The following DENND1B variants were observed in gnomAD, a reference collection of about 807,000 sequenced individuals.
DENND1B encodes DENN domain-containing protein 1B.
Under a neutral mutation model 90.1 loss-of-function variants are expected in DENND1B, and 59 were observed. That is an observed-to-expected ratio of 0.65 (90% CI 0.53 to 0.81). The LOEUF is 0.81. Among genes scored for constraint, DENND1B ranks in the 40% least tolerant of loss-of-function variants. The pLI is 0.00. For missense variants in DENND1B, 862 were observed against 912.6 expected (o/e 0.94, Z 0.71); for synonymous variants, 337 against 324.6 (o/e 1.04, Z -0.41).
At chr1:197,583,688 T>C (rs1674445304) in intron 14 of DENND1B, among the ~76,000 whole-genome samples, 1 of 152,220 alleles carries the variant, frequency 6.6e-6, no homozygotes, top group African/African-American at 2.4e-5. Flanking sequence ...TTTTAATTAA[T>C]GAAAAGATTT....
At chr1:197,683,129 T>C (rs181075576) in intron 3 of DENND1B, among the ~76,000 whole-genome samples, 1 of 152,274 alleles carries the variant, frequency 6.6e-6, no homozygotes, top group Non-Finnish European at 1.5e-5. Context: ...GATAGATTAA[T>C]ACAAGGTATC....
Position 197,754,545 on chromosome 1 carries a change from T to C in DENND1B, c.82+18323A>G, listed in dbSNP as rs116060289. 4.3e-3 allele frequency among the ~76,000 whole-genome samples: 647 copies of C among 151,206 alleles called. 5 individuals are homozygous for C. The highest frequency in any genetic ancestry group is 0.015 in the African/African-American group (621 of 41,204). ...TGGTGGTGCACACCTGTAATCCCACTTACTCAGGTGGCTGAGGAATGAGAA... is the reference window on the plus strand; with the variant it reads ...TGGTGGTGCACACCTGTAATCCCACCTACTCAGGTGGCTGAGGAATGAGAA... On this transcript the variant is annotated intron_variant, in intron 2 of 22. Transcript: ENST00000620048.
At chr1:197,639,799 C>T (rs1350489104) in intron 10 of DENND1B, among the ~76,000 whole-genome samples, 1 of 151,902 alleles carries the variant, frequency 6.6e-6, no homozygotes, top group Non-Finnish European at 1.5e-5. Context: ...ACCTTAAATG[C>T]CACTATGCAT....
chr1:197,599,313 T>G (rs868176306), intron 13 of DENND1B, among the ~76,000 whole-genome samples: 4 of 152,008 alleles, frequency 2.6e-5, no homozygotes, highest in Middle Eastern at 6.8e-3. Flanking sequence ...CTAGATATGC[T>G]TTTGCAGTAA....
intron 7 of DENND1B, among the ~76,000 whole-genome samples, chr1:197,648,379 G>T (rs1680920324): frequency 6.6e-6 from 1 of 152,042 alleles, no homozygotes; most frequent in African/African-American, 2.4e-5. Context: ...AGGTAAAAAG[G>T]GGTAGAAATC....
chr1:197,621,883 T>C (rs1382927381), intron 10 of DENND1B, among the ~76,000 whole-genome samples: 1 of 151,530 alleles, frequency 6.6e-6, no homozygotes, highest in Non-Finnish European at 1.5e-5. Context: ...TTATGTGACA[T>C]ATGATATTTA....
At chr1:197,767,084 G>A (rs370205407) in intron 2 of DENND1B, among the ~76,000 whole-genome samples, 37 of 152,108 alleles carry the variant, frequency 2.4e-4, no homozygotes, top group African/African-American at 8.4e-4. Context: ...GTGAGCCACT[G>A]CACCCAGCCC....
intron 2 of DENND1B, among the ~76,000 whole-genome samples, chr1:197,720,339 C>T (rs1230716593): frequency 6.6e-6 from 1 of 152,046 alleles, no homozygotes; most frequent in Non-Finnish European, 1.5e-5. Flanking sequence ...CAGCCTCAAG[C>T]AATCCCTTCC....
chr1:197,529,203 G>GAGAT (rs1669379288), intron 20 of DENND1B, among the ~76,000 whole-genome samples: 1 of 117,370 alleles, frequency 8.5e-6, no homozygotes, highest in African/African-American at 3.9e-5. Flanking sequence ...AGTTAAGAGT[G>GAGAT]ATATATATAT....
chr1:197,614,118 G>C (rs1677427567), intron 11 of DENND1B, among the ~76,000 whole-genome samples: 2 of 149,294 alleles, frequency 1.3e-5, no homozygotes, highest in African/African-American at 4.9e-5. Flanking sequence ...CTTATCTTCA[G>C]AAGTATAAAA....
chr1:197,626,531 G>T lies in DENND1B; in HGVS notation c.673-8772C>A, dbSNP rs536809145. Among the ~76,000 whole-genome samples the T allele has an allele frequency of 1.8e-4, 27 of 152,266 alleles. No homozygotes were observed. The East Asian group carries it at 5.0e-3, about 28-fold the overall frequency. On this transcript the variant is annotated intron_variant, in intron 10 of 22. Coordinates refer to ENST00000620048, the MANE Select transcript of DENND1B (RefSeq NM_001195215.2). The stretch of plus-strand genomic sequence containing the variant: ...CTCTGGGACACATTCAAAGCAGTGT[G>T]TAGAGGGAAATTTATAGCACTAAAT...
chr1:197,545,359 C>A (rs957241347), intron 18 of DENND1B, among the ~76,000 whole-genome samples: 1 of 151,794 alleles, frequency 6.6e-6, no homozygotes, highest in African/African-American at 2.4e-5. Flanking sequence ...GAGCCGAGAT[C>A]GTGCCACTGC....
chr1:197,704,667 C>A (rs753148517), intron 3 of DENND1B, among the ~76,000 whole-genome samples: 40 of 152,180 alleles, frequency 2.6e-4, no homozygotes, highest in Non-Finnish European at 4.3e-4. Flanking sequence ...GTATAATAAA[C>A]CAGTGCCTAC....
chr1:197,544,983 G>GGGAAGAA (rs112933169), intron 18 of DENND1B, among the ~76,000 whole-genome samples: 42,850 of 50,272 alleles, frequency 0.85, 18,072 homozygotes, highest in East Asian at 0.97. Flanking sequence ...AAGGAGGAAG[G>GGGAAGAA]GGAAGAAGGA....
At chr1:197,664,260 A>C (rs1018824732) in intron 5 of DENND1B, among the ~76,000 whole-genome samples, 3 of 152,094 alleles carry the variant, frequency 2.0e-5, no homozygotes, top group Non-Finnish European at 4.4e-5. Context: ...GACCACAAAA[A>C]TCCTAGGAAG....
upstream of DENND1B, chr1:197,775,573 G>C (rs1273373424): frequency 6.4e-6 from 1 of 156,586 alleles, no homozygotes; most frequent in East Asian, 1.8e-4. Context: ...GGAGACTGTG[G>C]AGGAGGCGGG....
At chr1:197,607,744 A>T (rs1002431455) in intron 12 of DENND1B, among the ~76,000 whole-genome samples, 2 of 150,810 alleles carry the variant, frequency 1.3e-5, no homozygotes, top group African/African-American at 4.8e-5. Flanking sequence ...ATTTCAACAG[A>T]AGGTACCAAA....
chr1:197,637,154 G>A (rs1679872518), intron 10 of DENND1B, among the ~76,000 whole-genome samples: 1 of 151,804 alleles, frequency 6.6e-6, no homozygotes, highest in Admixed American at 6.6e-5. Flanking sequence ...ATTTAATGTT[G>A]ATTACACTAT....
chr1:197,715,502 C>A (rs1423279882), intron 2 of DENND1B, among the ~76,000 whole-genome samples: 1 of 151,628 alleles, frequency 6.6e-6, no homozygotes, highest in Non-Finnish European at 1.5e-5. Flanking sequence ...AGAGACTAGA[C>A]CAAAATACAC....
Sources: allele counts gnomAD v4.1 joint callset (sites outside exome capture counted in the v4.1 genomes callset), GRCh38; gene constraint gnomAD v4.1.1; transcripts MANE v1.5; gene names NCBI Gene and HGNC (gene_info 2026-07-23, HGNC 2026-07-21).